The following TXN variants were observed in gnomAD, a reference collection of about 807,000 sequenced individuals.
The protein encoded by TXN is thioredoxin.
Under a neutral mutation model 16.5 loss-of-function variants are expected in TXN, and 10 were observed. That is an observed-to-expected ratio of 0.61 (90% CI 0.37 to 1.03). TXN has a LOEUF of 1.03. TXN is among the 50% of genes least tolerant of loss of function. The pLI is 0.01. For missense variants in TXN, 71 were observed against 122.5 expected (o/e 0.58, Z 1.98); for synonymous variants, 35 against 39.4 (o/e 0.89, Z 0.42).
chr9:110,249,554 G>A (rs2118572492), intron 3 of TXN, among the ~76,000 whole-genome samples: 1 of 152,274 alleles, frequency 6.6e-6, no homozygotes, highest in East Asian at 1.9e-4. Context: ...ACACAAGGCG[G>A]TAAGTGGAGA....
intron 4 of TXN, among the ~76,000 whole-genome samples, chr9:110,244,445 GT>G (rs1231339373): frequency 2.0e-5 from 3 of 149,646 alleles, no homozygotes. Flanking sequence ...GTTCATTTAA[GT>G]TATAAACAAA....
chr9:110,255,407 A>G (rs1018933744), intron 1 of TXN, among the ~76,000 whole-genome samples: 47 of 152,370 alleles, frequency 3.1e-4, no homozygotes, highest in African/African-American at 9.9e-4. Flanking sequence ...TAGGCTTGCA[A>G]TAACTTTCAA....
intron 1 of TXN, among the ~76,000 whole-genome samples, chr9:110,253,516 T>C (rs1837767774): frequency 6.6e-6 from 1 of 152,172 alleles, no homozygotes; most frequent in African/African-American, 2.4e-5. Context: ...GGTCAAGAAA[T>C]GCCAATGTCT....
At chr9:110,250,249 C>A (rs1247360268) in intron 3 of TXN, among the ~76,000 whole-genome samples, 1 of 152,170 alleles carries the variant, frequency 6.6e-6, no homozygotes, top group African/African-American at 2.4e-5. Context: ...TTAAAAACCA[C>A]CCAGAACAGT....
rs151323897 is a variant in TXN at position 110,247,682 on chromosome 9, A to G, written c.190-2839T>C. Among the ~76,000 whole-genome samples, 7 of 152,380 alleles carry G rather than the reference A, an allele frequency of 4.6e-5. No individual in the cohort carries two copies. In the East Asian group the frequency reaches 1.2e-3, roughly 25 times the overall value. On this transcript the variant is annotated intron_variant, in intron 3 of 4. Transcript: ENST00000374517. ...TAAACTTGCTTTCACTTAAAAAAGC[A>G]TATCACTACAATTATGGACAGTATA...
At position 110,251,251 on chromosome 9, in the gene TXN, C is replaced by G. The variant is rs998588932; in HGVS notation, c.129+107G>C. 11 of 795,072 alleles carry G rather than the reference C, an allele frequency of 1.4e-5. No homozygotes were observed. The East Asian group carries it at 2.9e-4, about 21-fold the overall frequency. The allele number at this position is 795,072 out of a possible 1,614,324, so 49.3% of individuals were successfully genotyped here. A position where few individuals can be genotyped will look rare whatever the true frequency, so the allele number is the denominator to read the frequency against. ...AGACCAAAGATCCAGCCAAAGAAAT[C>G]CCCCCACCGAAACCAAAATCCTTTA... On this transcript the variant is annotated intron_variant, in intron 2 of 4. Transcript: ENST00000374517.
chr9:110,245,644 ATATATATATATTTTTTT>A (rs1837644820), intron 3 of TXN, among the ~76,000 whole-genome samples: 1 of 27,606 alleles, frequency 3.6e-5, no homozygotes, highest in Non-Finnish European at 6.2e-5. Context: ...ATATATATAT[ATATATATATATTTTTTT>A]TTTTTTTTTT....
intron 3 of TXN, among the ~76,000 whole-genome samples, chr9:110,248,711 C>T (rs1837687705): frequency 6.6e-6 from 1 of 152,154 alleles, no homozygotes; most frequent in Non-Finnish European, 1.5e-5. Context: ...GCTGCAGTGC[C>T]ATTACCTGTT....
chr9:110,252,504 A>AT (rs1177570195), intron 1 of TXN, among the ~76,000 whole-genome samples: 1 of 152,138 alleles, frequency 6.6e-6, no homozygotes, highest in Non-Finnish European at 1.5e-5. Flanking sequence ...CATAGATATT[A>AT]TTTTTCATAA....
Position 110,252,223 on chromosome 9 carries a change from CAA to C in TXN, c.25-763_25-762del, listed in dbSNP as rs377246017. On this transcript the variant is annotated intron_variant, in intron 1 of 4. Coordinates refer to ENST00000374517, the MANE Select transcript of TXN (RefSeq NM_003329.4). ...TGGGCAATAGACGGAGACTCTGTCG[CAA>C]AAAAAAAAAAAAAAAAAAAAGCTAT... Among the ~76,000 whole-genome samples the C allele has an allele frequency of 2.6e-3, 154 of 58,376 alleles. 1 individual carries two copies. The highest frequency in any genetic ancestry group is 0.013 in the African/African-American group (142 of 10,878). 38.3% of individuals were successfully genotyped at this position (58,376 alleles called of 152,430 possible). A position where few individuals can be genotyped will look rare whatever the true frequency, so the allele number is the denominator to read the frequency against.
chr9:110,254,033 TGGTA>T (rs1238612783), intron 1 of TXN, among the ~76,000 whole-genome samples: 4 of 152,126 alleles, frequency 2.6e-5, no homozygotes, highest in African/African-American at 9.7e-5. Context: ...GTTCAATAAA[TGGTA>T]GGTGTCATTT....
chr9:110,245,660 T>A lies in TXN; in HGVS notation c.190-817A>T, dbSNP rs866934324. 1.2e-3 allele frequency among the ~76,000 whole-genome samples: 124 copies of A among 103,376 alleles called. 2 individuals carry two copies. In the East Asian group the frequency reaches 0.014, roughly 12 times the overall value. The allele number at this position is 103,376 out of a possible 152,430, so 67.8% of individuals were successfully genotyped here. On this transcript the variant is annotated intron_variant, in intron 3 of 4. Transcript: ENST00000374517. ...TATATATATATATATATATATTTTT[T>A]TTTTTTTTTTTTTATAGGGACAAGG...
chr9:110,246,010 A>C (rs1019909580), intron 3 of TXN, among the ~76,000 whole-genome samples: 9 of 152,110 alleles, frequency 5.9e-5, no homozygotes, highest in African/African-American at 1.9e-4. Context: ...GGTTGCAGTG[A>C]GCTGAGATCA....
At chr9:110,244,636 A>G in intron 4 of TXN, 142 bp downstream of exon 4, 1 of 674,110 alleles carries the variant, frequency 1.5e-6, no homozygotes, top group Non-Finnish European at 2.6e-6. Flanking sequence ...AAGCCAATGA[A>G]TTTTGGCATA....
At chr9:110,245,113 TCAGATA>T in intron 3 of TXN, 1 of 290,038 alleles carries the variant, frequency 3.4e-6, no homozygotes, top group East Asian at 6.6e-5. Context: ...GTTACTAGCA[TCAGATA>T]CTCCAGCGAT....
chr9:110,248,791 G>C (rs1733586650), intron 3 of TXN, among the ~76,000 whole-genome samples: 1 of 151,918 alleles, frequency 6.6e-6, no homozygotes, highest in African/African-American at 2.4e-5. Context: ...GCATGCAAAG[G>C]GCTTATCATG....
At chr9:110,252,223 C>CAAAAAAGAAACAAAAAAAAAAAAA (rs1554695822) in intron 1 of TXN, among the ~76,000 whole-genome samples, 1 of 58,424 alleles carries the variant, frequency 1.7e-5, no homozygotes, top group South Asian at 7.0e-4. Flanking sequence ...GACTCTGTCG[C>CAAAAAAGAAACAAAAAAAAAAAAA]AAAAAAAAAA....
rs145947314 is a variant in TXN at position 110,247,033 on chromosome 9, C to T, written c.190-2190G>A. On this transcript the variant is annotated intron_variant, in intron 3 of 4. Coordinates refer to ENST00000374517, the MANE Select transcript of TXN (RefSeq NM_003329.4). ...AGGGTCACTTCAAGGTTTTAAAAGA[C>T]ACTTTCAGGCCAGGCACGGTAGCTC... Among the ~76,000 whole-genome samples the T allele has an allele frequency of 2.6e-3, 392 of 152,270 alleles. 6 individuals carry two copies. The highest frequency in any genetic ancestry group is 0.02 in the Admixed American group (312 of 15,292).
At chr9:110,251,587 A>C (rs1292498741) in intron 1 of TXN, 125 bp from the exon 2 acceptor site, 1 of 116,302 alleles carries the variant, frequency 8.6e-6, no homozygotes, top group South Asian at 1.3e-4. Flanking sequence ...CTTTTTAGCC[A>C]AAAAAAAAAA....
Sources: allele counts gnomAD v4.1 joint callset (sites outside exome capture counted in the v4.1 genomes callset), GRCh38; gene constraint gnomAD v4.1.1; transcripts MANE v1.5; gene names NCBI Gene and HGNC (gene_info 2026-07-23, HGNC 2026-07-21).